The following NELFA variants were observed in gnomAD, a reference collection of about 807,000 sequenced individuals.
The protein encoded by NELFA is negative elongation factor A.
Under a neutral mutation model 51.8 loss-of-function variants are expected in NELFA, and 35 were observed. That is an observed-to-expected ratio of 0.68 (90% CI 0.52 to 0.90). The LOEUF (loss-of-function observed/expected upper bound fraction) is 0.90, where lower values mean the gene tolerates loss of function less well. NELFA is among the 40% of genes least tolerant of loss of function. The pLI, the probability that NELFA is intolerant of heterozygous loss-of-function variation, is 0.00. For synonymous variants in NELFA, 417 were observed against 338.4 expected (o/e 1.23, Z -2.55); for missense variants, 658 against 746.4 (o/e 0.88, Z 1.38).
Position 1,989,685 on chromosome 4 carries a change from C to T in NELFA, c.544+23G>A, listed in dbSNP as rs779146241. 32 of 1,608,190 alleles carry T rather than the reference C, an allele frequency of 2.0e-5. No individual in the cohort carries two copies. The highest frequency in any genetic ancestry group is 9.4e-5 in the African/African-American group (7 of 74,730). On this transcript the variant is annotated intron_variant, in intron 3 of 10. Transcript: ENST00000382882. This position sits in a 1 kb window ranked among gnomAD's most constrained non-coding sequence, Gnocchi z 4.8. ...GACTGGAAACTACAAAGACAATGCCCGATGGCGGCCGCGGCCACTCACACT... is the reference window on the plus strand; with the variant it reads ...GACTGGAAACTACAAAGACAATGCCTGATGGCGGCCGCGGCCACTCACACT...
rs376419751 is a variant in NELFA at position 1,991,624 on chromosome 4, G to A, written c.302C>T (p.Pro101Leu). 14 of 1,613,824 alleles carry A rather than the reference G, an allele frequency of 8.7e-6. No individual in the cohort carries two copies. Among genetic ancestry groups the A allele is most frequent in the African/African-American group, 1.3e-5 (1 of 74,900 alleles). The change falls in exon 2 of 11, where the codon CCG becomes CTG. Residue 101 changes from proline (P) to leucine (L), a missense_variant. By Grantham distance (98) the Pro-to-Leu change is moderately conservative (BLOSUM62 -3). Around this residue, in one of 3 missense-constraint regions of NELFA, gnomAD observed 371 missense variants for 448.3 expected, o/e 0.83. Transcript: ENST00000382882. ...CTCCAGGTTAAGCGAGCCTGTGTCC[G>A]GAAAGGACTTCAAGATGTCGGCGAC... The part of the protein sequence containing the change: ...LMVADILKSF[P>L]DTGSLNLELE...
chr4:1,996,839 C>T (rs990166964), intron 1 of NELFA, among the ~76,000 whole-genome samples: 3 of 151,994 alleles, frequency 2.0e-5, no homozygotes, highest in South Asian at 4.1e-4. Context: ...GGCTGAGGCA[C>T]GATAATCACT....
chr4:2,004,751 G>A (rs1482850665), intron 1 of NELFA, among the ~76,000 whole-genome samples: 1 of 149,460 alleles, frequency 6.7e-6, no homozygotes, highest in Non-Finnish European at 1.5e-5. Flanking sequence ...GCCTCCCAAA[G>A]TGCTGAGATT....
At chr4:1,992,840 T>C (rs1482481269) in intron 1 of NELFA, among the ~76,000 whole-genome samples, 1 of 152,148 alleles carries the variant, frequency 6.6e-6, no homozygotes, top group African/African-American at 2.4e-5. Flanking sequence ...CAAGCCCCTC[T>C]GCATCTGCCC....
At position 1,988,016 on chromosome 4, in the gene NELFA, A is replaced by G. The variant is rs745927138; in HGVS notation, c.545-9T>C. 1 of 1,607,804 alleles carries G rather than the reference A, an allele frequency of 6.2e-7. No homozygotes were observed. Among genetic ancestry groups the G allele is most frequent in the Non-Finnish European group, 8.5e-7 (1 of 1,179,028 alleles). ...CTGGGCGGTCTCCGTGGCTGGAAGG[A>G]AGAGGTCACATATGTCAGGGATCCT... is the stretch of plus-strand genomic sequence containing the variant. On this transcript the variant is annotated splice_polypyrimidine_tract_variant and intron_variant, in intron 3 of 10. Transcript: ENST00000382882.
chr4:1,994,269 A>G (rs935820176), intron 1 of NELFA, among the ~76,000 whole-genome samples: 1 of 152,104 alleles, frequency 6.6e-6, no homozygotes, highest in Non-Finnish European at 1.5e-5. Context: ...CATTTCTTAA[A>G]AAAATTAAAA....
chr4:2,006,802 A>G (rs1351644675), intron 1 of NELFA, among the ~76,000 whole-genome samples: 1 of 149,054 alleles, frequency 6.7e-6, no homozygotes, highest in African/African-American at 2.5e-5. Context: ...AAAGGATTCC[A>G]GGAAGCTAAG....
chr4:1,995,222 A>G (rs1728390479), intron 1 of NELFA, among the ~76,000 whole-genome samples: 1 of 152,196 alleles, frequency 6.6e-6, no homozygotes, highest in Non-Finnish European at 1.5e-5. Context: ...CTGAAACATC[A>G]GCTCTTCCTG....
At chr4:1,995,776 C>T (rs1728405424) in intron 1 of NELFA, among the ~76,000 whole-genome samples, 1 of 152,096 alleles carries the variant, frequency 6.6e-6, no homozygotes, top group African/African-American at 2.4e-5. Context: ...CTTGGATGCA[C>T]CTAATAACAC....
At chr4:2,005,351 G>C (rs931905408) in intron 1 of NELFA, among the ~76,000 whole-genome samples, 1 of 151,896 alleles carries the variant, frequency 6.6e-6, no homozygotes, top group South Asian at 2.1e-4. Context: ...AAAATAATAT[G>C]AAGTGCACAG....
chr4:1,988,425 G>GT (rs1265297612), intron 3 of NELFA, among the ~76,000 whole-genome samples: 1 of 152,288 alleles, frequency 6.6e-6, no homozygotes, highest in East Asian at 1.9e-4. Flanking sequence ...ACTTGGTTCA[G>GT]TGTGGCTGAA....
At chr4:1,987,181 C>G (rs1728130717) in intron 4 of NELFA, among the ~76,000 whole-genome samples, 1 of 152,222 alleles carries the variant, frequency 6.6e-6, no homozygotes, top group South Asian at 2.1e-4. Context: ...ATAAACTAAG[C>G]CAGGCTGGTC....
chr4:2,008,900 C>A lies in NELFA; in HGVS notation c.60G>T (p.Thr20=), dbSNP rs140748706. The change falls in exon 1 of 11, where the codon ACG becomes ACT. Residue 20 remains threonine (T), a synonymous_variant. Transcript: ENST00000382882. ...GLWLHNKLGA[T]DELWAPPSIA... ...TGCTGGGCGGCGCCCACAGCTCGTC[C>A]GTGGCCCCCAGCTTGTTGTGCAGCC... The A allele has an allele frequency of 5.0e-6, 8 of 1,585,460 alleles. No homozygotes were observed. The highest frequency in any genetic ancestry group is 6.9e-6 in the Non-Finnish European group (8 of 1,166,990).
At chr4:1,990,979 TG>T (rs1302714298) in intron 2 of NELFA, among the ~76,000 whole-genome samples, 1 of 152,156 alleles carries the variant, frequency 6.6e-6, no homozygotes, top group Non-Finnish European at 1.5e-5. Flanking sequence ...TTTTATTTTT[TG>T]TACAAATGGG....
At chr4:1,998,867 G>C (rs542971344) in intron 1 of NELFA, among the ~76,000 whole-genome samples, 2 of 152,254 alleles carry the variant, frequency 1.3e-5, no homozygotes, top group East Asian at 3.9e-4. Context: ...AGGTCGAAAT[G>C]AAGGAAAAAC....
chr4:1,991,830 C>G (rs2109059960), intron 1 of NELFA, 115 bp from the exon 2 acceptor site: 1 of 1,093,186 alleles, frequency 9.1e-7, no homozygotes, highest in African/African-American at 1.6e-5. Flanking sequence ...CAGTTGCCCC[C>G]AACACTTCCT....
intron 4 of NELFA, chr4:1,987,657 C>T: frequency 2.0e-6 from 1 of 493,728 alleles, no homozygotes; most frequent in Non-Finnish European, 3.6e-6. Flanking sequence ...TCCTCAGATC[C>T]CGGCCTTCCT....
At chr4:1,998,050 C>CA (rs1728478338) in intron 1 of NELFA, among the ~76,000 whole-genome samples, 1 of 152,008 alleles carries the variant, frequency 6.6e-6, no homozygotes, top group African/African-American at 2.4e-5. Flanking sequence ...AGAAGAGGGA[C>CA]ATGACTACGG....
chr4:1,987,608 C>T lies in NELFA; in HGVS notation c.634+310G>A. The T allele has an allele frequency of 7.9e-6, 3 of 381,596 alleles. No individual in the cohort carries two copies. The South Asian group carries it at 1.3e-4, about 17-fold the overall frequency. The allele number at this position is 381,596 out of a possible 1,614,324, so 23.6% of individuals were successfully genotyped here. A position where few individuals can be genotyped will look rare whatever the true frequency, so the allele number is the denominator to read the frequency against. Reference sequence around the variant, plus strand: ...GCAGAGGAGCAGGGGCCAGCACTGTCCTCAGATCCCGGCCTTCCTGTCTCC... The same window carrying T: ...GCAGAGGAGCAGGGGCCAGCACTGTTCTCAGATCCCGGCCTTCCTGTCTCC... On this transcript the variant is annotated intron_variant, in intron 4 of 10. Transcript: ENST00000382882.
Sources: allele counts gnomAD v4.1 joint callset (sites outside exome capture counted in the v4.1 genomes callset), GRCh38; gene constraint gnomAD v4.1.1; regional missense constraint gnomAD v4.1.1; non-coding constraint Gnocchi (gnomAD v3.1); transcripts MANE v1.5; gene names NCBI Gene and HGNC (gene_info 2026-07-23, HGNC 2026-07-21).